LRMDA: variants seen among roughly 807,000 people sequenced by gnomAD.
The protein encoded by LRMDA is leucine rich melanocyte differentiation associated, also known as leucine-rich melanocyte differentiation-associated protein.
A neutral mutation model predicts 29.8 loss-of-function variants in LRMDA; 18 were observed. The ratio of observed to expected loss-of-function variants is 0.60; its 90% confidence interval spans 0.42 to 0.90. The LOEUF (loss-of-function observed/expected upper bound fraction) is 0.90, where lower values mean the gene tolerates loss of function less well. Among genes scored for constraint, LRMDA ranks in the 40% least tolerant of loss-of-function variants. The pLI, the probability that LRMDA is intolerant of heterozygous loss-of-function variation, is 0.00. For synonymous variants in LRMDA, 125 were observed against 109.4 expected, an observed-to-expected ratio of 1.14 and a Z score of -0.89; for missense variants, 273 against 273.9, an observed-to-expected ratio of 1.00 and a Z score of 0.02.
intron 2 of LRMDA, among the ~76,000 whole-genome samples, chr10:75,998,729 ACTTT>A: frequency 6.6e-6 from 1 of 152,318 alleles, no homozygotes; most frequent in South Asian, 2.1e-4. Context: ...ATTGTCCTCT[ACTTT>A]CTTAGGACCC....
intron 2 of LRMDA, among the ~76,000 whole-genome samples, chr10:76,016,657 CTG>C (rs893524450): frequency 3.3e-5 from 5 of 152,176 alleles, no homozygotes; most frequent in African/African-American, 4.8e-5. Context: ...AGGTTCATGA[CTG>C]TGTTTCAGAG....
chr10:75,965,853 T>C lies in LRMDA; in HGVS notation c.132-70155T>C, dbSNP rs78731681. Among the ~76,000 whole-genome samples, 336 of 152,332 alleles carry C rather than the reference T, an allele frequency of 2.2e-3. 1 individual carries two copies. Among genetic ancestry groups the C allele is most frequent in the African/African-American group, 7.6e-3 (314 of 41,578 alleles). ...CTGAGCTATGGTGCCCAATCATCTG[T>C]CATCCCTGGCTCCTTGACACTGGGT... On this transcript the variant is annotated intron_variant, in intron 2 of 6. Coordinates refer to ENST00000611255, the MANE Select transcript of LRMDA (RefSeq NM_001305581.2).
intron 6 of LRMDA, among the ~76,000 whole-genome samples, chr10:76,363,634 T>C (rs1352784137): frequency 3.3e-5 from 5 of 152,142 alleles, no homozygotes; most frequent in African/African-American, 1.2e-4. Context: ...GCTTACTCTT[T>C]CTCTGCCTTC....
At chr10:75,716,040 C>A (rs1482730867) in intron 2 of LRMDA, among the ~76,000 whole-genome samples, 1 of 152,154 alleles carries the variant, frequency 6.6e-6, no homozygotes, top group Non-Finnish European at 1.5e-5. Flanking sequence ...GAAGATGCAG[C>A]CTTCCAGTGG....
chr10:76,070,046 C>T (rs1280224254), intron 5 of LRMDA, among the ~76,000 whole-genome samples: 1 of 152,120 alleles, frequency 6.6e-6, no homozygotes, highest in Non-Finnish European at 1.5e-5. Flanking sequence ...TATTGGTTGC[C>T]TTATTAAAAT....
intron 6 of LRMDA, among the ~76,000 whole-genome samples, chr10:76,329,697 G>T (rs1370480698): frequency 1.3e-5 from 2 of 152,090 alleles, no homozygotes; most frequent in Non-Finnish European, 2.9e-5. Flanking sequence ...AATTTATATA[G>T]CAACTTATTA....
At chr10:76,415,098 T>A (rs1243811525) in intron 6 of LRMDA, among the ~76,000 whole-genome samples, 1 of 152,248 alleles carries the variant, frequency 6.6e-6, no homozygotes, top group Non-Finnish European at 1.5e-5. Flanking sequence ...TGGCTCCATG[T>A]GTCTCTGCCT....
At chr10:76,053,474 C>T (rs1394397468) in intron 4 of LRMDA, among the ~76,000 whole-genome samples, 6 of 152,138 alleles carry the variant, frequency 3.9e-5, no homozygotes, top group Non-Finnish European at 5.9e-5. Flanking sequence ...TTGTAAAAGC[C>T]TTCATTCTGT....
rs913924768 is a variant in LRMDA, at chr10:75,634,576, C to T, written c.131+196082C>T. Reference sequence around the variant, plus strand: ...CAATTCACTCTGTATGTTACCTGCCCGCCCCAGTGGGCATTTGAGCTTGCA... The same window carrying T: ...CAATTCACTCTGTATGTTACCTGCCTGCCCCAGTGGGCATTTGAGCTTGCA... On this transcript the variant is annotated intron_variant, in intron 2 of 6. Transcript: ENST00000611255. Among the ~76,000 whole-genome samples, 21 of 152,318 alleles carry T rather than the reference C, an allele frequency of 1.4e-4. No homozygotes were observed. The South Asian group carries it at 1.5e-3, about 11-fold the overall frequency.
intron 2 of LRMDA, among the ~76,000 whole-genome samples, chr10:76,017,707 T>G (rs1307185432): frequency 6.6e-6 from 1 of 152,106 alleles, no homozygotes; most frequent in Admixed American, 6.6e-5. Context: ...GTGATGAAAA[T>G]GACTTCCTAC....
chr10:76,386,825 T>C (rs1841665347), intron 6 of LRMDA, among the ~76,000 whole-genome samples: 1 of 152,016 alleles, frequency 6.6e-6, no homozygotes, highest in Non-Finnish European at 1.5e-5. Flanking sequence ...AAATATTTTA[T>C]TCCTTTATTA....
chr10:76,277,417 G>C (rs1840149088), intron 5 of LRMDA, among the ~76,000 whole-genome samples: 1 of 152,184 alleles, frequency 6.6e-6, no homozygotes, highest in Non-Finnish European at 1.5e-5. Context: ...ACCCTCTCAT[G>C]CAAGAGGCAG....
intron 6 of LRMDA, among the ~76,000 whole-genome samples, chr10:76,503,148 A>G (rs535852624): frequency 1.3e-5 from 2 of 152,088 alleles, no homozygotes; most frequent in Non-Finnish European, 2.9e-5. Flanking sequence ...ATCTATTGAG[A>G]TGATCCTATG....
chr10:76,368,305 T>C (rs1841415309), intron 6 of LRMDA, among the ~76,000 whole-genome samples: 2 of 152,202 alleles, frequency 1.3e-5, no homozygotes, highest in Admixed American at 6.5e-5. Flanking sequence ...GTGTCACTAT[T>C]GTCATTCAGT....
intron 5 of LRMDA, among the ~76,000 whole-genome samples, chr10:76,141,481 A>G (rs939245533): frequency 2.0e-5 from 3 of 152,164 alleles, no homozygotes; most frequent in African/African-American, 7.2e-5. Flanking sequence ...ACTGATTGTT[A>G]TAGAACAAAT....
intron 2 of LRMDA, among the ~76,000 whole-genome samples, chr10:75,998,301 CCTT>C: frequency 6.6e-6 from 1 of 152,126 alleles, no homozygotes; most frequent in African/African-American, 2.4e-5. Context: ...CCTTTTTGCT[CCTT>C]GTCTGCTTTG....
intron 2 of LRMDA, among the ~76,000 whole-genome samples, chr10:75,605,881 G>A (rs1308948389): frequency 1.3e-5 from 2 of 152,056 alleles, no homozygotes; most frequent in Admixed American, 6.6e-5. Context: ...TTTTTGAGAC[G>A]GGGTCTTGCT....
At chr10:75,903,079 T>C (rs1261238536) in intron 2 of LRMDA, among the ~76,000 whole-genome samples, 3 of 152,210 alleles carry the variant, frequency 2.0e-5, no homozygotes, top group African/African-American at 4.8e-5. Context: ...CAGGATCCTT[T>C]TGTGGAGCTT....
At chr10:76,342,556 A>G (rs1841054835) in intron 6 of LRMDA, among the ~76,000 whole-genome samples, 1 of 152,052 alleles carries the variant, frequency 6.6e-6, no homozygotes, top group Non-Finnish European at 1.5e-5. Context: ...AAGATAGAAT[A>G]CAAAAAGTAT....
Sources: allele counts gnomAD v4.1 joint callset (sites outside exome capture counted in the v4.1 genomes callset), GRCh38; gene constraint gnomAD v4.1.1; transcripts MANE v1.5; gene names NCBI Gene and HGNC (gene_info 2026-07-23, HGNC 2026-07-21).